The following LRRTM3 variants were observed in gnomAD, a reference collection of about 807,000 sequenced individuals.
LRRTM3 encodes the protein leucine rich repeat transmembrane neuronal 3.
LRRTM3 carries 24 observed loss-of-function variants against 44.7 expected under a neutral mutation model. The ratio of observed to expected loss-of-function variants is 0.54; its 90% CI spans 0.39 to 0.76. The LOEUF (loss-of-function observed/expected upper bound fraction) is 0.76. Among genes scored for constraint, LRRTM3 ranks in the 30% least tolerant of loss-of-function variants. The pLI is 0.00. For missense variants in LRRTM3, 587 were observed against 702.2 expected (o/e 0.84, Z 1.85); for synonymous variants, 277 against 278.7 (o/e 0.99, Z 0.06).
intron 2 of LRRTM3, among the ~76,000 whole-genome samples, chr10:67,051,521 G>C (rs1422757007): frequency 3.4e-5 from 5 of 148,320 alleles, no homozygotes; most frequent in African/African-American, 1.2e-4. Context: ...GTGCAGTGGT[G>C]CAATCTCGGC....
chr10:66,942,548 G>GTCTCTCTCTCTCTC (rs67598003), intron 2 of LRRTM3, among the ~76,000 whole-genome samples: 3 of 148,030 alleles, frequency 2.0e-5, no homozygotes, highest in African/African-American at 7.4e-5. Flanking sequence ...TTGCCATAAT[G>GTCTCTCTCTCTCTC]TCTCTCTCTC....
At chr10:66,950,613 C>T (rs1426726350) in intron 2 of LRRTM3, among the ~76,000 whole-genome samples, 3 of 151,770 alleles carry the variant, frequency 2.0e-5, no homozygotes, top group Non-Finnish European at 4.4e-5. Context: ...AAATGTTTAC[C>T]ATTTTCAGTT....
chr10:67,066,195 C>CTTTTTT lies in LRRTM3; in HGVS notation c.1537-31380_1537-31375dup, dbSNP rs71006118. 4.6e-3 allele frequency among the ~76,000 whole-genome samples: 563 copies of CTTTTTT among 123,044 alleles called. 27 individuals are homozygous for CTTTTTT. Among genetic ancestry groups the CTTTTTT allele is most frequent in the African/African-American group, 0.017 (522 of 30,898 alleles). The allele number at this position is 123,044 out of a possible 152,430, so 80.7% of individuals were successfully genotyped here. On this transcript the variant is annotated intron_variant, in intron 2 of 2. Coordinates refer to ENST00000361320, the MANE Select transcript of LRRTM3 (RefSeq NM_178011.5). ...CTGCTGTGCCCACTGAAGTCACTGG[C>CTTTTTT]TTTTTTTTTTTTTTTTTGAGACAGT... is the stretch of plus-strand genomic sequence containing the variant.
chr10:66,952,434 A>C (rs1019552475), intron 2 of LRRTM3, among the ~76,000 whole-genome samples: 13 of 152,194 alleles, frequency 8.5e-5, no homozygotes, highest in African/African-American at 3.1e-4. Context: ...TAAATTTTTT[A>C]AGCTACGAAG....
chr10:67,078,812 G>A (rs954143425), intron 2 of LRRTM3, among the ~76,000 whole-genome samples: 8 of 152,130 alleles, frequency 5.3e-5, no homozygotes, highest in South Asian at 4.1e-4. Context: ...CACCGCACCC[G>A]GCCCTCTGAT....
Position 67,099,161 on chromosome 10 carries a change from A to G in LRRTM3, c.*1365A>G, listed in dbSNP as rs1858184530. ...TCAGAGTAATTTGACACCAGCCCAG[A>G]TCATATATTGATTATACAATTGTAT... On this transcript the variant is annotated 3_prime_UTR_variant, in exon 3 of 3. Transcript: ENST00000361320. 6.6e-6 allele frequency: 1 copy of G among 151,838 alleles called. No individual in the cohort carries two copies. The highest frequency in any genetic ancestry group is 2.4e-5 in the African/African-American group (1 of 41,412). The allele number at this position is 151,838 out of a possible 1,614,324, so 9.4% of individuals were successfully genotyped here.
intron 2 of LRRTM3, among the ~76,000 whole-genome samples, chr10:67,036,372 A>C (rs1371518048): frequency 6.6e-6 from 1 of 151,510 alleles, no homozygotes; most frequent in Non-Finnish European, 1.5e-5. Context: ...AGTTTCAAGC[A>C]ATTCTCCTGC....
At chr10:67,070,683 G>T (rs969040239) in intron 2 of LRRTM3, among the ~76,000 whole-genome samples, 3 of 151,760 alleles carry the variant, frequency 2.0e-5, no homozygotes, top group African/African-American at 7.3e-5. Flanking sequence ...GGAGGCGGAG[G>T]TTGCAGGGAG....
intron 2 of LRRTM3, among the ~76,000 whole-genome samples, chr10:67,026,677 C>A (rs756737282): frequency 1.3e-5 from 2 of 152,078 alleles, no homozygotes; most frequent in African/African-American, 4.8e-5. Context: ...CTTCATAAAG[C>A]ATCTCTTTCA....
intron 2 of LRRTM3, among the ~76,000 whole-genome samples, chr10:67,035,900 T>C (rs1234547635): frequency 2.0e-5 from 3 of 152,226 alleles, no homozygotes. Context: ...AGAATTTTAA[T>C]TCAAGTTATG....
chr10:66,965,130 T>G (rs182486225), intron 2 of LRRTM3, among the ~76,000 whole-genome samples: 14 of 152,248 alleles, frequency 9.2e-5, no homozygotes, highest in African/African-American at 3.4e-4. Flanking sequence ...CTTTGTCCCA[T>G]GCCAAAAAGA....
chr10:67,086,734 A>G (rs1447337566), intron 2 of LRRTM3, among the ~76,000 whole-genome samples: 2 of 151,952 alleles, frequency 1.3e-5, no homozygotes, highest in Non-Finnish European at 2.9e-5. Flanking sequence ...AGACCAAAAT[A>G]CCCTATCAGT....
Position 66,978,956 on chromosome 10 carries a change from T to C in LRRTM3, c.1536+50504T>C, listed in dbSNP as rs541059529. On this transcript the variant is annotated intron_variant, in intron 2 of 2. Transcript: ENST00000361320. ...TAAATAGCCACTCCTCACATACTTA[T>C]TTCCTTTTTTTTTTTTTTTTTTTTT... Among the ~76,000 whole-genome samples, 3 of 143,800 alleles carry C rather than the reference T, an allele frequency of 2.1e-5. No homozygotes were observed. The East Asian group carries it at 6.8e-4, about 33-fold the overall frequency. The allele number at this position is 143,800 out of a possible 152,430, so 94.3% of individuals were successfully genotyped here.
At chr10:66,978,612 T>G (rs1334792214) in intron 2 of LRRTM3, among the ~76,000 whole-genome samples, 1 of 145,404 alleles carries the variant, frequency 6.9e-6, no homozygotes, top group Non-Finnish European at 1.5e-5. Flanking sequence ...AGATCTTATG[T>G]TAAGTGTTCT....
chr10:66,934,176 T>C (rs1450096821), intron 2 of LRRTM3, among the ~76,000 whole-genome samples: 1 of 152,106 alleles, frequency 6.6e-6, no homozygotes, highest in African/African-American at 2.4e-5. Context: ...TAATCCATTT[T>C]ATTGAAAAAA....
At chr10:67,034,930 C>A (rs1203245429) in intron 2 of LRRTM3, among the ~76,000 whole-genome samples, 1 of 152,138 alleles carries the variant, frequency 6.6e-6, no homozygotes, top group Non-Finnish European at 1.5e-5. Context: ...TTTCTTCTGG[C>A]CTTCTTACTG....
intron 2 of LRRTM3, among the ~76,000 whole-genome samples, chr10:67,004,658 T>A (rs1851872526): frequency 6.6e-6 from 1 of 152,180 alleles, no homozygotes; most frequent in Non-Finnish European, 1.5e-5. Context: ...CATTGGCAAG[T>A]AGTTGAAATC....
At chr10:67,007,676 T>C (rs1328215128) in intron 2 of LRRTM3, among the ~76,000 whole-genome samples, 1 of 151,924 alleles carries the variant, frequency 6.6e-6, no homozygotes, top group Admixed American at 6.6e-5. Flanking sequence ...CACTCAACAT[T>C]TCCCACCATT....
chr10:67,076,304 T>G, intron 2 of LRRTM3, among the ~76,000 whole-genome samples: 1 of 152,246 alleles, frequency 6.6e-6, no homozygotes, highest in East Asian at 1.9e-4. Flanking sequence ...TCAGAGATCA[T>G]GTTACTTCAG....
Sources: gnomAD v4.1 joint callset for allele counts (sites outside exome capture counted in the v4.1 genomes callset) on GRCh38, gnomAD v4.1.1 for gene constraint, MANE v1.5 for transcripts, NCBI Gene and HGNC (gene_info 2026-07-23, HGNC 2026-07-21) for gene names.